The following SPEN variants were observed in gnomAD, a reference collection of about 807,000 sequenced individuals.
SPEN encodes the protein msx2-interacting protein.
SPEN carries 18 observed loss-of-function variants against 269.9 expected under a neutral mutation model. The ratio of observed to expected loss-of-function variants is 0.07; its 90% CI spans 0.05 to 0.10. SPEN has a LOEUF of 0.10. Among genes scored for constraint, SPEN ranks in the 10% least tolerant of loss-of-function variants. SPEN has a pLI of 1.00. For synonymous variants in SPEN, 1,726 were observed against 1,765.7 expected (o/e 0.98, Z 0.56); for missense variants, 3,822 against 4,631.2 (o/e 0.83, Z 5.07).
Position 15,935,794 on chromosome 1 carries a change from G to T in SPEN, c.9554G>T (p.Arg3185Leu). 1 of 1,613,818 alleles carries T rather than the reference G, an allele frequency of 6.2e-7. No individual in the cohort carries two copies. The highest frequency in any genetic ancestry group is 1.7e-5 in the Admixed American group (1 of 60,026). Residue 3185 changes from arginine to leucine, a missense_variant, in exon 11 of 15, where the codon CGA becomes CTA. Arg to Leu is a moderately radical substitution (Grantham distance 102). Coordinates refer to ENST00000375759, the MANE Select transcript of SPEN (RefSeq NM_015001.3). The surrounding 1 kb of genome is among the most constrained non-coding windows in gnomAD (Gnocchi z 7.7). ...SEVLVMQSEY[R>L]LHPYTVPRDV... ...GTACTAGTCATGCAGTCTGAGTACC[G>T]ACTGCACCCCTATACTGTGCCACGG...
At chr1:15,859,617 C>G (rs892486412) in intron 1 of SPEN, among the ~76,000 whole-genome samples, 1 of 151,948 alleles carries the variant, frequency 6.6e-6, no homozygotes, top group African/African-American at 2.4e-5. Flanking sequence ...GATCCGCCCG[C>G]CTCGGCCTCC....
Position 15,936,053 on chromosome 1 carries a change from A to G in SPEN, c.9813A>G (p.Thr3271=). 1.3e-6 allele frequency: 2 copies of G among 1,580,732 alleles called. No individual in the cohort carries two copies. The highest frequency in any genetic ancestry group is 1.7e-6 in the Non-Finnish European group (2 of 1,162,224). The change falls in exon 11 of 15, where the codon ACA becomes ACG. Residue 3271 remains threonine, a synonymous_variant. Coordinates refer to ENST00000375759, the MANE Select transcript of SPEN (RefSeq NM_015001.3). ...PAPHGEARIL[T]VTPSNQLQGL... is the part of the protein sequence containing the mutation. ...CTCATGGTGAGGCCCGTATCCTCAC[A>G]GTTACCCCCAGTAACCAACTCCAGG...
In SPEN at chr1:15,932,676, A is replaced by G; in HGVS notation, c.6436A>G (p.Lys2146Glu). Residue 2146 changes from lysine to glutamate, a missense_variant, in exon 11 of 15, where the codon AAG becomes GAG. This residue lies in a region of SPEN where 727 missense variants were observed against 737.9 expected (regional missense o/e 0.99). Coordinates refer to ENST00000375759, the MANE Select transcript of SPEN (RefSeq NM_015001.3). The surrounding 1 kb of genome is among the most constrained non-coding windows in gnomAD (Gnocchi z 4.2). ...QLKSDPVDPD[K>E]EPEKEDVSAS... ...GAAAAGTGATCCAGTTGATCCAGAC[A>G]AGGAACCAGAGAAAGAAGACGTGTC... is the stretch of plus-strand genomic sequence containing the variant. 1 of 1,614,114 alleles carries G rather than the reference A, an allele frequency of 6.2e-7. No homozygotes were observed. The highest frequency in any genetic ancestry group is 8.5e-7 in the Non-Finnish European group (1 of 1,180,014).
chr1:15,864,480 T>G (rs1197117277), intron 1 of SPEN, among the ~76,000 whole-genome samples: 2 of 151,464 alleles, frequency 1.3e-5, no homozygotes, highest in African/African-American at 4.8e-5. Context: ...GTTTTTTTTT[T>G]TTTTTTTTTA....
At chr1:15,877,183 A>C (rs536353509) in intron 3 of SPEN, among the ~76,000 whole-genome samples, 1 of 152,148 alleles carries the variant, frequency 6.6e-6, no homozygotes, top group Admixed American at 6.6e-5. Flanking sequence ...CAATTTATAA[A>C]CTCAAGTAGA....
In SPEN at chr1:15,877,176, T is replaced by A. The variant is rs567201342; in HGVS notation, c.881+498T>A. 7.9e-5 allele frequency among the ~76,000 whole-genome samples: 12 copies of A among 152,316 alleles called. No homozygotes were observed. In the South Asian group the frequency reaches 2.5e-3, roughly 32 times the overall value. On this transcript the variant is annotated intron_variant, in intron 3 of 14. Coordinates refer to ENST00000375759, the MANE Select transcript of SPEN (RefSeq NM_015001.3). ...ATTTTAACATCAGGGTGGTAGCCAA[T>A]TTATAAACTCAAGTAGAAAAGCTTC... is the stretch of plus-strand genomic sequence containing the variant.
chr1:15,871,659 A>AAG (rs1378705049), intron 1 of SPEN, among the ~76,000 whole-genome samples: 1 of 152,190 alleles, frequency 6.6e-6, no homozygotes, highest in Non-Finnish European at 1.5e-5. Context: ...TGGAGAAAGA[A>AAG]AATTAAGTAG....
At chr1:15,885,054 TAAAC>T (rs2070724319) in intron 3 of SPEN, among the ~76,000 whole-genome samples, 1 of 152,170 alleles carries the variant, frequency 6.6e-6, no homozygotes, top group Non-Finnish European at 1.5e-5. Context: ...TTTAAAGTAT[TAAAC>T]AAATTAATAA....
intron 1 of SPEN, among the ~76,000 whole-genome samples, chr1:15,857,686 A>AT (rs200585764): frequency 0.023 from 1,005 of 43,536 alleles, 14 homozygotes; most frequent in African/African-American, 0.064. Flanking sequence ...TCATAAAAAA[A>AT]TTGTTTTTTT....
At chr1:15,892,148 G>A (rs1003677141) in intron 3 of SPEN, among the ~76,000 whole-genome samples, 1 of 150,530 alleles carries the variant, frequency 6.6e-6, no homozygotes, top group African/African-American at 2.4e-5. Context: ...AGCCTCCCGA[G>A]TAGCTGGGAC....
intron 5 of SPEN, among the ~76,000 whole-genome samples, chr1:15,915,155 C>G (rs1393390473): frequency 6.6e-5 from 10 of 152,150 alleles, no homozygotes; most frequent in Non-Finnish European, 1.0e-4. Flanking sequence ...GGATTAGGCT[C>G]AAATAATTAA....
intron 1 of SPEN, among the ~76,000 whole-genome samples, chr1:15,852,744 G>A (rs2070348304): frequency 1.3e-5 from 2 of 152,180 alleles, no homozygotes; most frequent in African/African-American, 4.8e-5. Flanking sequence ...ATTTATGTAG[G>A]AGGTTTTTCC....
chr1:15,859,227 C>G (rs1469376979), intron 1 of SPEN, among the ~76,000 whole-genome samples: 3 of 149,450 alleles, frequency 2.0e-5, no homozygotes, highest in African/African-American at 7.4e-5. Flanking sequence ...GAGATCATAG[C>G]TCACTGCAGC....
At chr1:15,879,038 A>G (rs924349795) in intron 3 of SPEN, among the ~76,000 whole-genome samples, 3 of 151,406 alleles carry the variant, frequency 2.0e-5, no homozygotes, top group African/African-American at 7.3e-5. Flanking sequence ...AAGAAAAGAA[A>G]AAAAAGAAAA....
chr1:15,851,052 G>C (rs1488015600), intron 1 of SPEN, among the ~76,000 whole-genome samples: 1 of 152,150 alleles, frequency 6.6e-6, no homozygotes, highest in Non-Finnish European at 1.5e-5. Context: ...AAACCAGACA[G>C]CTTTGGGGAC....
chr1:15,889,076 A>G (rs563282496), intron 3 of SPEN, among the ~76,000 whole-genome samples: 15 of 152,286 alleles, frequency 9.8e-5, no homozygotes, highest in African/African-American at 3.6e-4. Context: ...GCCCCAAACA[A>G]GGAATCATGC....
intron 10 of SPEN, among the ~76,000 whole-genome samples, chr1:15,923,101 C>T (rs1400192805): frequency 1.3e-5 from 2 of 151,980 alleles, no homozygotes; most frequent in Non-Finnish European, 2.9e-5. Context: ...TAAAAACTTC[C>T]AAAAGAATAT....
At chr1:15,874,446 A>G (rs556149180) in intron 2 of SPEN, 5 of 1,274,664 alleles carry the variant, frequency 3.9e-6, no homozygotes, top group African/African-American at 1.6e-5. Context: ...ACCCAAGTCA[A>G]ACTCTCTTTT....
chr1:15,920,152 C>A (rs1326604035), intron 8 of SPEN, among the ~76,000 whole-genome samples: 1 of 152,064 alleles, frequency 6.6e-6, no homozygotes, highest in Non-Finnish European at 1.5e-5. Context: ...TCACTGCAAC[C>A]TCCGCCTCCC....
Sources: gnomAD v4.1 joint callset for allele counts (sites outside exome capture counted in the v4.1 genomes callset) on GRCh38, gnomAD v4.1.1 for gene constraint, gnomAD v4.1.1 regional missense constraint, Gnocchi (gnomAD v3.1) non-coding constraint, MANE v1.5 for transcripts, NCBI Gene and HGNC (gene_info 2026-07-23, HGNC 2026-07-21) for gene names.